KIF20B: variants seen among roughly 807,000 people sequenced by gnomAD.
The protein encoded by KIF20B is kinesin-like protein KIF20B.
A neutral mutation model predicts 232.5 loss-of-function variants in KIF20B; 188 were observed. The observed-to-expected ratio is 0.81, with a 90% confidence interval of 0.72 to 0.91. KIF20B has a LOEUF of 0.91. Ranked by LOEUF, KIF20B falls within the 40% of genes least tolerant of loss-of-function variation. The pLI, the probability that KIF20B is intolerant of heterozygous loss-of-function variation, is 0.00. For synonymous variants in KIF20B, 712 were observed against 683.0 expected, an observed-to-expected ratio of 1.04 and a Z score of -0.66; for missense variants, 2,154 against 2,055.9, an observed-to-expected ratio of 1.05 and a Z score of -0.92.
rs1202215706 is a variant in KIF20B, at chr10:89,762,793, G to A, written c.4947G>A (p.Lys1649=). The A allele has an allele frequency of 1.2e-6, 2 of 1,613,210 alleles. No homozygotes were observed. The highest frequency in any genetic ancestry group is 2.2e-5 in the South Asian group (2 of 91,052). Residue 1649 remains lysine, a synonymous_variant, in exon 29 of 33, where the codon AAG becomes AAA. Transcript: ENST00000371728. ...HPGCTTPVTV[K]IPKARKRKSN... ...GTTGTACCACACCAGTGACAGTTAA[G>A]ATTCCCAAGGCTCGGAAGAGGAAGA...
chr10:89,755,532 T>C (rs1842104212), intron 26 of KIF20B, among the ~76,000 whole-genome samples: 1 of 148,918 alleles, frequency 6.7e-6, no homozygotes, highest in African/African-American at 2.5e-5. Flanking sequence ...CTTCTTCCTT[T>C]CCTTCCTTTC....
chr10:89,767,736 A>G (rs184545135), intron 29 of KIF20B, among the ~76,000 whole-genome samples: 1 of 152,122 alleles, frequency 6.6e-6, no homozygotes, highest in East Asian at 1.9e-4. Flanking sequence ...TTAACATTTT[A>G]CCTTTGGTTA....
chr10:89,710,385 A>C (rs995525489), intron 5 of KIF20B, among the ~76,000 whole-genome samples: 3 of 151,868 alleles, frequency 2.0e-5, no homozygotes, highest in Non-Finnish European at 2.9e-5. Flanking sequence ...GTGCGCCACC[A>C]TGCCAAGCTA....
intron 21 of KIF20B, among the ~76,000 whole-genome samples, chr10:89,742,699 C>CT (rs34668146): frequency 0.17 from 20,223 of 118,220 alleles, 2,181 homozygotes; most frequent in South Asian, 0.26. Flanking sequence ...ATCTTCAAGC[C>CT]TTTTTTTTTT....
chr10:89,715,945 C>G (rs1385773694), intron 8 of KIF20B, among the ~76,000 whole-genome samples: 1 of 151,996 alleles, frequency 6.6e-6, no homozygotes, highest in East Asian at 1.9e-4. Context: ...GAGCCATGAT[C>G]ACGCCTTTGC....
intron 19 of KIF20B, among the ~76,000 whole-genome samples, chr10:89,734,625 A>G (rs1216242878): frequency 2.0e-5 from 3 of 152,204 alleles, no homozygotes; most frequent in Non-Finnish European, 2.9e-5. Context: ...GCAGATTTCA[A>G]TTTAATGAGC....
At chr10:89,736,936 G>C in intron 19 of KIF20B, among the ~76,000 whole-genome samples, 1 of 152,096 alleles carries the variant, frequency 6.6e-6, no homozygotes, top group Middle Eastern at 3.4e-3. Flanking sequence ...TACTCCATTT[G>C]CCTATTGCTA....
chr10:89,712,402 C>G (rs1350122326), intron 6 of KIF20B, among the ~76,000 whole-genome samples: 5 of 152,020 alleles, frequency 3.3e-5, no homozygotes, highest in African/African-American at 9.7e-5. Flanking sequence ...ACTACAGGGG[C>G]ATGCCACCAC....
At chr10:89,749,666 A>G (rs1841986702) in intron 23 of KIF20B, among the ~76,000 whole-genome samples, 1 of 152,176 alleles carries the variant, frequency 6.6e-6, no homozygotes, top group African/African-American at 2.4e-5. Flanking sequence ...TTCATACAAT[A>G]TACGGCCTTT....
At chr10:89,763,135 G>T (rs546139318) in intron 29 of KIF20B, among the ~76,000 whole-genome samples, 1 of 152,058 alleles carries the variant, frequency 6.6e-6, no homozygotes, top group African/African-American at 2.4e-5. Context: ...ACAAAAATTA[G>T]CCAGGAGTGG....
intron 29 of KIF20B, 58 bp downstream of exon 29, chr10:89,762,893 A>G: frequency 1.5e-6 from 2 of 1,303,206 alleles, no homozygotes; most frequent in Non-Finnish European, 1.1e-6. Context: ...AAGCTGTTAT[A>G]GTATAGAGTT....
chr10:89,709,089 T>C, intron 2 of KIF20B, 78 bp from the exon 3 acceptor site: 1 of 897,128 alleles, frequency 1.1e-6, no homozygotes, highest in Admixed American at 2.1e-5. Context: ...ATGTAAAAAG[T>C]AGCCATGTTA....
chr10:89,710,285 G>A (rs921196292), intron 5 of KIF20B, among the ~76,000 whole-genome samples: 4 of 149,974 alleles, frequency 2.7e-5, no homozygotes, highest in African/African-American at 9.9e-5. Context: ...GCAGTGGTGT[G>A]ATCTCAGCTC....
chr10:89,774,021 A>G lies in KIF20B; in HGVS notation c.5436A>G (p.Arg1812=). Residue 1812 remains arginine (R), a synonymous_variant, in exon 33 of 33, where the codon CGA becomes CGG. Coordinates refer to ENST00000371728, the MANE Select transcript of KIF20B (RefSeq NM_001284259.2). ...MKESDHQIIK[R]RLRTKTAK is the part of the protein sequence containing the mutation. ...AGAGTGATCACCAGATTATCAAACGACGACTTCGAACAAAAACAGCCAAAT... is the reference window on the plus strand; with the variant it reads ...AGAGTGATCACCAGATTATCAAACGGCGACTTCGAACAAAAACAGCCAAAT... The G allele has an allele frequency of 6.3e-7, 1 of 1,591,680 alleles. No homozygotes were observed. The highest frequency in any genetic ancestry group is 8.6e-7 in the Non-Finnish European group (1 of 1,167,558).
intron 21 of KIF20B, among the ~76,000 whole-genome samples, chr10:89,739,577 T>C (rs966383182): frequency 7.7e-6 from 1 of 130,472 alleles, no homozygotes; most frequent in Non-Finnish European, 1.6e-5. Flanking sequence ...TCTTTCTTTT[T>C]CTGCACTTCT....
intron 13 of KIF20B, among the ~76,000 whole-genome samples, chr10:89,720,873 G>T (rs551718429): frequency 2.0e-5 from 3 of 151,882 alleles, no homozygotes; most frequent in South Asian, 4.2e-4. Context: ...ACCCAGTTAA[G>T]TTTTTTTTGT....
At chr10:89,729,494 A>C (rs900828835) in intron 18 of KIF20B, among the ~76,000 whole-genome samples, 3 of 152,214 alleles carry the variant, frequency 2.0e-5, no homozygotes, top group African/African-American at 4.8e-5. Flanking sequence ...TGTAAAAAGG[A>C]GGAGAATATG....
chr10:89,732,503 AG>A (rs35792391), intron 18 of KIF20B, among the ~76,000 whole-genome samples: 46,867 of 151,906 alleles, frequency 0.31, 8,115 homozygotes, highest in African/African-American at 0.46. Flanking sequence ...TCAGTTTCAA[AG>A]CTGTCTGTAG....
intron 21 of KIF20B, among the ~76,000 whole-genome samples, chr10:89,739,733 A>C (rs1013812218): frequency 1.3e-5 from 2 of 151,584 alleles, no homozygotes; most frequent in Non-Finnish European, 2.9e-5. Context: ...ACAAATATTA[A>C]TACAACAAAT....
Sources: allele counts gnomAD v4.1 joint callset (sites outside exome capture counted in the v4.1 genomes callset), GRCh38; gene constraint gnomAD v4.1.1; transcripts MANE v1.5; gene names NCBI Gene and HGNC (gene_info 2026-07-23, HGNC 2026-07-21).